The following PRDM16 variants were observed in gnomAD, a reference collection of about 807,000 sequenced individuals.
The protein encoded by PRDM16 is PR/SET domain 16, also known as histone-lysine N-methyltransferase PRDM16.
In PRDM16, 23 loss-of-function variants were observed where a neutral mutation model predicts 110.6. The observed-to-expected ratio is 0.21, with a 90% confidence interval of 0.15 to 0.29. The LOEUF (loss-of-function observed/expected upper bound fraction) is 0.29. Ranked by LOEUF, PRDM16 falls within the 10% of genes least tolerant of loss-of-function variation. The pLI is 1.00. For missense variants in PRDM16, 1,615 were observed against 1,794.3 expected (o/e 0.90, Z 1.81); for synonymous variants, 799 against 781.8 (o/e 1.02, Z -0.37).
chr1:3,250,624 C>T (rs1639908136), intron 3 of PRDM16, among the ~76,000 whole-genome samples: 1 of 152,180 alleles, frequency 6.6e-6, no homozygotes, highest in Non-Finnish European at 1.5e-5. Context: ...ATGCTGGTGC[C>T]ATGGTCTCTA....
chr1:3,327,898 T>A (rs1369540206), intron 3 of PRDM16, among the ~76,000 whole-genome samples: 1 of 152,162 alleles, frequency 6.6e-6, no homozygotes, highest in Non-Finnish European at 1.5e-5. Context: ...ACAGATGGGG[T>A]TCAGCGGCCC....
chr1:3,147,076 GTA>G (rs111658814), intron 1 of PRDM16, among the ~76,000 whole-genome samples: 2,902 of 126,688 alleles, frequency 0.023, 156 homozygotes, highest in African/African-American at 0.12. Context: ...TGGGGTGTGT[GTA>G]TGTGTGCGCT....
intron 1 of PRDM16, among the ~76,000 whole-genome samples, chr1:3,090,779 C>T (rs912645334): frequency 1.3e-5 from 2 of 152,248 alleles, no homozygotes; most frequent in Admixed American, 1.3e-4. Flanking sequence ...TGGGCATTGG[C>T]CCCTGAAGCC....
intron 3 of PRDM16, among the ~76,000 whole-genome samples, chr1:3,287,313 G>GGCGCC (rs1640871798): frequency 2.2e-5 from 3 of 138,234 alleles, no homozygotes; most frequent in African/African-American, 8.6e-5. Context: ...CGGGGCTGGA[G>GGCGCC]CCGCCCCGCC....
chr1:3,226,061 C>T (rs1569878381), intron 2 of PRDM16, among the ~76,000 whole-genome samples: 3 of 152,224 alleles, frequency 2.0e-5, no homozygotes, highest in Admixed American at 2.0e-4. Flanking sequence ...AGGCAGGCAG[C>T]CCTCCCAGGA....
In PRDM16 at chr1:3,412,351, G is replaced by A. The variant is rs781041726; in HGVS notation, c.2154G>A (p.Ser718=). 68 of 1,613,454 alleles carry A rather than the reference G, an allele frequency of 4.2e-5. 1 individual carries two copies. In the Middle Eastern group the frequency reaches 4.9e-4, roughly 12 times the overall value. Residue 718 remains serine (S), a synonymous_variant, in exon 9 of 17, where the codon TCG becomes TCA. Coordinates refer to ENST00000270722, the MANE Select transcript of PRDM16 (RefSeq NM_022114.4). ...GGATGCAGGAGAAGAAGCTGGGCTC[G>A]CTCCCCTACCACTCGGCGTTCCCCT... ...FMGMQEKKLG[S]LPYHSAFPFQ...
chr1:3,349,122 C>T (rs1460452200), intron 3 of PRDM16, among the ~76,000 whole-genome samples: 1 of 152,254 alleles, frequency 6.6e-6, no homozygotes, highest in African/African-American at 2.4e-5. Context: ...CAATGCATTT[C>T]TGCACGATTT....
intron 3 of PRDM16, among the ~76,000 whole-genome samples, chr1:3,384,827 G>T (rs1643167762): frequency 6.6e-6 from 1 of 152,214 alleles, no homozygotes; most frequent in Admixed American, 6.5e-5. Context: ...TCTCACACGT[G>T]GGTCAGCTTT....
At chr1:3,325,426 G>T (rs1399231332) in intron 3 of PRDM16, among the ~76,000 whole-genome samples, 1 of 152,208 alleles carries the variant, frequency 6.6e-6, no homozygotes, top group Non-Finnish European at 1.5e-5. Flanking sequence ...AGAGGCTGAG[G>T]GCTGGCCATG....
At chr1:3,312,262 C>T (rs1641479713) in intron 3 of PRDM16, among the ~76,000 whole-genome samples, 1 of 152,248 alleles carries the variant, frequency 6.6e-6, no homozygotes, top group African/African-American at 2.4e-5. Context: ...CTGGGTTATT[C>T]CCACGCTCAT....
chr1:3,432,012 C>T lies in PRDM16; in HGVS notation c.3568C>T (p.Pro1190Ser). 1 of 1,614,066 alleles carries T rather than the reference C, an allele frequency of 6.2e-7. No individual in the cohort carries two copies. Among genetic ancestry groups the T allele is most frequent in the Non-Finnish European group, 8.5e-7 (1 of 1,180,000 alleles). The change falls in exon 16 of 17, where the codon CCG becomes TCG. Residue 1190 changes from proline (P) to serine (S), a missense_variant. Pro to Ser is a moderately conservative substitution (Grantham distance 74). Transcript: ENST00000270722. ...EGGLLALEPM[P>S]TFGKGLDLRR... ...CGGTCTGTTAGCTTTGGAGCCGATGCCGACTTTTGGGAAGGGGCTGGACCT... is the reference window on the plus strand; with the variant it reads ...CGGTCTGTTAGCTTTGGAGCCGATGTCGACTTTTGGGAAGGGGCTGGACCT...
At chr1:3,341,020 G>A (rs1435627738) in intron 3 of PRDM16, among the ~76,000 whole-genome samples, 1 of 151,974 alleles carries the variant, frequency 6.6e-6, no homozygotes, top group African/African-American at 2.4e-5. Context: ...GGCTAGGGAG[G>A]GGGATGTGTC....
intron 3 of PRDM16, among the ~76,000 whole-genome samples, chr1:3,348,180 T>G (rs1642402690): frequency 1.3e-5 from 2 of 152,138 alleles, no homozygotes; most frequent in African/African-American, 4.8e-5. Flanking sequence ...GGCCCAACCG[T>G]AGCCCTCTGG....
At chr1:3,169,446 G>A (rs72630975) in intron 1 of PRDM16, among the ~76,000 whole-genome samples, 11 of 152,140 alleles carry the variant, frequency 7.2e-5, no homozygotes, top group Non-Finnish European at 1.6e-4. Context: ...AGTGCAGGCC[G>A]AGGGGCTTGT....
chr1:3,172,108 T>C (rs1002918457), intron 1 of PRDM16, among the ~76,000 whole-genome samples: 3 of 152,094 alleles, frequency 2.0e-5, no homozygotes, highest in African/African-American at 7.2e-5. Flanking sequence ...GGGGGCCACC[T>C]AGCAATCAGG....
At chr1:3,365,854 T>C (rs929508092) in intron 3 of PRDM16, among the ~76,000 whole-genome samples, 2 of 152,142 alleles carry the variant, frequency 1.3e-5, no homozygotes, top group Admixed American at 6.5e-5. Context: ...AGGGACGACT[T>C]TGAAGGCTGT....
intron 2 of PRDM16, among the ~76,000 whole-genome samples, chr1:3,194,711 G>A (rs1046189213): frequency 6.7e-6 from 1 of 150,180 alleles, no homozygotes; most frequent in Non-Finnish European, 1.5e-5. Flanking sequence ...CCCGCCACAC[G>A]CCACCGTCTC....
intron 1 of PRDM16, among the ~76,000 whole-genome samples, chr1:3,095,323 AG>A (rs142193476): frequency 0.071 from 10,751 of 150,550 alleles, 1,554 homozygotes; most frequent in African/African-American, 0.25. Flanking sequence ...AAAGTGGAGT[AG>A]CAAACAACTC....
chr1:3,079,735 T>A (rs1056307469), intron 1 of PRDM16, among the ~76,000 whole-genome samples: 2 of 152,194 alleles, frequency 1.3e-5, no homozygotes. Context: ...TTCATCTGGC[T>A]GGCATGTTGA....
Sources: allele counts gnomAD v4.1 joint callset (sites outside exome capture counted in the v4.1 genomes callset), GRCh38; gene constraint gnomAD v4.1.1; transcripts MANE v1.5; gene names NCBI Gene and HGNC (gene_info 2026-07-23, HGNC 2026-07-21).